NELL1: variants seen among roughly 807,000 people sequenced by gnomAD.
NELL1 encodes neural EGFL like 1, also known as protein kinase C-binding protein NELL1.
Under a neutral mutation model 107.4 loss-of-function variants are expected in NELL1, and 76 were observed. That is an observed-to-expected ratio of 0.71 (90% CI 0.59 to 0.86). The LOEUF (loss-of-function observed/expected upper bound fraction) is 0.86, where lower values mean the gene tolerates loss of function less well. Ranked by LOEUF, NELL1 falls within the 40% of genes least tolerant of loss-of-function variation. The pLI, the probability that NELL1 is intolerant of heterozygous loss-of-function variation, is 0.00. For missense variants in NELL1, 1,024 were observed against 1,005.5 expected (o/e 1.02, Z -0.25); for synonymous variants, 353 against 341.2 (o/e 1.03, Z -0.38).
At position 20,922,901 on chromosome 11, in the gene NELL1, C is replaced by T. The variant is rs141115742; in HGVS notation, c.759+3567C>T. On this transcript the variant is annotated intron_variant, in intron 7 of 19. Transcript: ENST00000357134. ...GAGCCCAGGCAAATGAGGTTTGTTGCACGGCACACAAATGTCATTCAATAG... is the reference window on the plus strand; with the variant it reads ...GAGCCCAGGCAAATGAGGTTTGTTGTACGGCACACAAATGTCATTCAATAG... 4.6e-4 allele frequency among the ~76,000 whole-genome samples: 70 copies of T among 152,242 alleles called. No individual in the cohort carries two copies. In the East Asian group the frequency reaches 0.013, roughly 29 times the overall value.
chr11:20,919,569 G>A (rs921014261), intron 7 of NELL1, among the ~76,000 whole-genome samples: 1 of 152,018 alleles, frequency 6.6e-6, no homozygotes, highest in East Asian at 1.9e-4. Context: ...GAAGCAAGAG[G>A]CAATATGTAT....
intron 12 of NELL1, among the ~76,000 whole-genome samples, chr11:21,059,726 G>A (rs565461753): frequency 2.0e-4 from 31 of 152,188 alleles, no homozygotes; most frequent in African/African-American, 6.7e-4. Context: ...AGAGCATGGG[G>A]ATGAGTAAAC....
intron 12 of NELL1, among the ~76,000 whole-genome samples, chr11:21,067,561 C>G (rs1319560675): frequency 6.6e-6 from 1 of 152,084 alleles, no homozygotes; most frequent in African/African-American, 2.4e-5. Context: ...AGAAATTTTA[C>G]AGAGAGGAAG....
chr11:21,487,700 G>T (rs541522478), intron 15 of NELL1, among the ~76,000 whole-genome samples: 1 of 152,056 alleles, frequency 6.6e-6, no homozygotes, highest in African/African-American at 2.4e-5. Context: ...GAATTTAAAT[G>T]GATTAAATTC....
chr11:21,105,937 C>T (rs1364230858), intron 12 of NELL1, among the ~76,000 whole-genome samples: 1 of 130,414 alleles, frequency 7.7e-6, no homozygotes, highest in Non-Finnish European at 1.6e-5. Flanking sequence ...CCCTCCCTCC[C>T]TCCCTTCTTT....
At position 21,087,081 on chromosome 11, in the gene NELL1, C is replaced by T. The variant is rs538357886; in HGVS notation, c.1301-26508C>T. Among the ~76,000 whole-genome samples, 44 of 152,218 alleles carry T rather than the reference C, an allele frequency of 2.9e-4. No individual in the cohort carries two copies. In the East Asian group the frequency reaches 6.2e-3, roughly 21 times the overall value. ...GTCTCGATCTCCTGACCTCGTGATC[C>T]GCACGCCTCGGCCGCCCAAAGTGCT... is the stretch of plus-strand genomic sequence containing the variant. On this transcript the variant is annotated intron_variant, in intron 12 of 19. Transcript: ENST00000357134.
chr11:20,691,419 T>C (rs1590208282), intron 2 of NELL1, among the ~76,000 whole-genome samples: 1 of 151,660 alleles, frequency 6.6e-6, no homozygotes, highest in African/African-American at 2.4e-5. Flanking sequence ...TGGCTGTGGG[T>C]TTGTCATAGA....
At chr11:21,040,099 G>A (rs868719831) in intron 12 of NELL1, among the ~76,000 whole-genome samples, 8 of 150,964 alleles carry the variant, frequency 5.3e-5, no homozygotes, top group East Asian at 1.9e-4. Context: ...ATTTTTTCCC[G>A]GCTTTTTTTT....
intron 12 of NELL1, among the ~76,000 whole-genome samples, chr11:21,024,957 T>C (rs1000240234): frequency 2.6e-5 from 4 of 152,144 alleles, no homozygotes; most frequent in Admixed American, 1.3e-4. Flanking sequence ...ATCTGATTCA[T>C]TCATTCATGA....
intron 2 of NELL1, among the ~76,000 whole-genome samples, chr11:20,763,058 G>A (rs1244725691): frequency 1.3e-5 from 2 of 152,152 alleles, no homozygotes; most frequent in Admixed American, 6.5e-5. Flanking sequence ...CTCTGTGGAT[G>A]CAGGGCTTAG....
chr11:20,887,378 T>A (rs1447986083), intron 5 of NELL1, among the ~76,000 whole-genome samples: 1 of 152,102 alleles, frequency 6.6e-6, no homozygotes, highest in African/African-American at 2.4e-5. Context: ...GCTTACTGGG[T>A]TGTATATTAA....
At chr11:21,019,798 A>T (rs1852655830) in intron 12 of NELL1, among the ~76,000 whole-genome samples, 1 of 152,030 alleles carries the variant, frequency 6.6e-6, no homozygotes, top group African/African-American at 2.4e-5. Flanking sequence ...GGATGCAGAG[A>T]ACTCTGAGGA....
chr11:20,979,650 C>T (rs1244733773), intron 12 of NELL1, among the ~76,000 whole-genome samples: 1 of 152,030 alleles, frequency 6.6e-6, no homozygotes, highest in East Asian at 1.9e-4. Flanking sequence ...TCTTAAATTC[C>T]CCCTTTGTTG....
At chr11:21,252,863 A>G (rs929853094) in intron 14 of NELL1, among the ~76,000 whole-genome samples, 1 of 152,156 alleles carries the variant, frequency 6.6e-6, no homozygotes, top group Non-Finnish European at 1.5e-5. Context: ...TTAAACTTAA[A>G]CATGGTTTTG....
chr11:21,356,540 C>T (rs1850937646), intron 14 of NELL1, among the ~76,000 whole-genome samples: 2 of 152,130 alleles, frequency 1.3e-5, no homozygotes, highest in Admixed American at 6.5e-5. Context: ...AAATGGGGGG[C>T]ATTGTCCTCC....
At chr11:21,296,605 A>G (rs945033181) in intron 14 of NELL1, among the ~76,000 whole-genome samples, 1 of 151,934 alleles carries the variant, frequency 6.6e-6, no homozygotes, top group Admixed American at 6.6e-5. Context: ...ATACAGACCT[A>G]TTAGACAAAT....
At chr11:20,811,918 GC>G (rs1421195472) in intron 3 of NELL1, among the ~76,000 whole-genome samples, 1 of 151,974 alleles carries the variant, frequency 6.6e-6, no homozygotes, top group African/African-American at 2.4e-5. Flanking sequence ...TAGCTTGGAT[GC>G]TCTTTATTTC....
intron 2 of NELL1, among the ~76,000 whole-genome samples, chr11:20,696,161 T>A (rs1476490439): frequency 6.6e-6 from 1 of 152,066 alleles, no homozygotes; most frequent in African/African-American, 2.4e-5. Context: ...CTTTTTTGGA[T>A]ATTCTTTTTT....
intron 4 of NELL1, among the ~76,000 whole-genome samples, chr11:20,873,014 T>A (rs1456224810): frequency 6.6e-6 from 1 of 152,180 alleles, no homozygotes; most frequent in East Asian, 1.9e-4. Flanking sequence ...TGGTTACCAA[T>A]GTCTGTTTTA....
Sources: gnomAD v4.1 joint callset for allele counts (sites outside exome capture counted in the v4.1 genomes callset) on GRCh38, gnomAD v4.1.1 for gene constraint, MANE v1.5 for transcripts, NCBI Gene and HGNC (gene_info 2026-07-23, HGNC 2026-07-21) for gene names.